The following ZKSCAN5 variants were observed in gnomAD, a reference collection of about 807,000 sequenced individuals.
The protein encoded by ZKSCAN5 is zinc finger with KRAB and SCAN domains 5, also known as zinc finger protein with KRAB and SCAN domains 5.
ZKSCAN5 carries 28 observed loss-of-function variants against 60.0 expected under a neutral mutation model. That is an observed-to-expected ratio of 0.47 (90% CI 0.35 to 0.64). The LOEUF (loss-of-function observed/expected upper bound fraction) is 0.64. ZKSCAN5 is among the 30% of genes least tolerant of loss of function. The pLI, the probability that ZKSCAN5 is intolerant of heterozygous loss-of-function variation, is 0.01. For synonymous variants in ZKSCAN5, 361 were observed against 371.2 expected, an observed-to-expected ratio of 0.97 and a Z score of 0.31; for missense variants, 881 against 1,034.6, an observed-to-expected ratio of 0.85 and a Z score of 2.04.
chr7:99,504,993 T>A (rs1298645173), intron 1 of ZKSCAN5: 1 of 152,358 alleles, frequency 6.6e-6, no homozygotes, highest in Non-Finnish European at 1.5e-5. Context: ...GCTGTTTGAA[T>A]GGCTTTGGGA....
At chr7:99,509,245 T>C (rs2151095163) in intron 2 of ZKSCAN5, among the ~76,000 whole-genome samples, 1 of 152,332 alleles carries the variant, frequency 6.6e-6, no homozygotes, top group South Asian at 2.1e-4. Context: ...TGGCTCTGCC[T>C]TCCAAAGTGG....
At chr7:99,514,274 A>G (rs541838854) in intron 3 of ZKSCAN5, among the ~76,000 whole-genome samples, 21 of 152,268 alleles carry the variant, frequency 1.4e-4, no homozygotes, top group African/African-American at 4.6e-4. Context: ...GGATGTTATC[A>G]TTTGAAACTC....
chr7:99,505,829 G>A (rs1584158131), intron 1 of ZKSCAN5, 176 bp from the exon 2 acceptor site: 1 of 475,526 alleles, frequency 2.1e-6, no homozygotes, highest in East Asian at 3.7e-5. Context: ...TGAAGTGATG[G>A]CTACCTTGTA....
intron 5 of ZKSCAN5, among the ~76,000 whole-genome samples, chr7:99,524,161 C>A (rs545886386): frequency 6.6e-6 from 1 of 151,466 alleles, no homozygotes; most frequent in African/African-American, 2.4e-5. Flanking sequence ...ACCTCTGCCT[C>A]CTGGGTTCAA....
intron 5 of ZKSCAN5, among the ~76,000 whole-genome samples, chr7:99,524,510 C>G (rs978645233): frequency 1.3e-5 from 2 of 152,140 alleles, no homozygotes; most frequent in African/African-American, 4.8e-5. Context: ...CTGTGCCTGG[C>G]CAATACTCTA....
At chr7:99,525,320 A>G (rs1297199016) in intron 5 of ZKSCAN5, among the ~76,000 whole-genome samples, 1 of 151,834 alleles carries the variant, frequency 6.6e-6, no homozygotes, top group African/African-American at 2.4e-5. Flanking sequence ...AAAAATATAA[A>G]AATTAGCTGA....
intron 3 of ZKSCAN5, among the ~76,000 whole-genome samples, chr7:99,517,963 T>C (rs773135075): frequency 5.9e-5 from 9 of 152,204 alleles, no homozygotes; most frequent in Non-Finnish European, 8.8e-5. Context: ...AAGGTAAGAA[T>C]TGTTTTGTCT....
intron 5 of ZKSCAN5, among the ~76,000 whole-genome samples, chr7:99,524,145 A>G (rs1413120196): frequency 2.0e-5 from 3 of 147,680 alleles, no homozygotes; most frequent in Non-Finnish European, 4.4e-5. Context: ...ATCTCAACTC[A>G]CTGCAACCTC....
intron 3 of ZKSCAN5, 33 bp downstream of exon 3, chr7:99,512,624 G>A: frequency 6.2e-7 from 1 of 1,604,384 alleles, no homozygotes; most frequent in Non-Finnish European, 8.5e-7. Flanking sequence ...AACTGATATA[G>A]CTCAAGAGTG....
In ZKSCAN5 at chr7:99,512,604, G is replaced by T. The variant is rs1383575274; in HGVS notation, c.553+13G>T. 4 of 1,612,494 alleles carry T rather than the reference G, an allele frequency of 2.5e-6. No individual in the cohort carries two copies. The South Asian group carries it at 3.3e-5, about 13-fold the overall frequency. ...CTGGAGGAAAATGGTGAGGCTCAGT[G>T]ATTCAGTGGAACTGATATAGCTCAA... On this transcript the variant is annotated intron_variant, in intron 3 of 6. Coordinates refer to ENST00000326775, the MANE Select transcript of ZKSCAN5 (RefSeq NM_145102.4).
Position 99,531,438 on chromosome 7 carries a change from T to C in ZKSCAN5, c.1709T>C (p.Ile570Thr), listed in dbSNP as rs760351301. ...QSAHLIQHQR[I>T]HTGEKPFRCE... ...GCACATCTTATTCAACATCAAAGAA[T>C]ACACACTGGGGAGAAACCATTCAGG... The change falls in exon 7 of 7, where the codon ATA becomes ACA. Residue 570 changes from isoleucine (I) to threonine (T), a missense_variant. By Grantham distance (89) the Ile-to-Thr change is moderately conservative. Coordinates refer to ENST00000326775, the MANE Select transcript of ZKSCAN5 (RefSeq NM_145102.4). The C allele has an allele frequency of 7.4e-6, 12 of 1,614,076 alleles. No homozygotes were observed. Among genetic ancestry groups the C allele is most frequent in the African/African-American group, 2.7e-5 (2 of 74,942 alleles).
chr7:99,519,781 C>A, intron 3 of ZKSCAN5, 46 bp from the exon 4 acceptor site: 9 of 1,574,198 alleles, frequency 5.7e-6, no homozygotes, highest in Non-Finnish European at 7.8e-6. Context: ...GCAATGAGAA[C>A]CGGGCAAAGA....
chr7:99,514,769 G>A (rs553870978), intron 3 of ZKSCAN5, among the ~76,000 whole-genome samples: 48 of 151,726 alleles, frequency 3.2e-4, no homozygotes, highest in African/African-American at 5.1e-4. Context: ...TTAGCCGGGC[G>A]TGGTGGCAGA....
At position 99,533,042 on chromosome 7, in the gene ZKSCAN5, A is replaced by G. The variant is rs764736337; in HGVS notation, c.*793A>G. The G allele has an allele frequency of 5.2e-5, 12 of 230,556 alleles. No individual in the cohort carries two copies. Among genetic ancestry groups the G allele is most frequent in the Non-Finnish European group, 1.1e-4 (12 of 106,034 alleles). The allele number at this position is 230,556 out of a possible 1,614,324, so 14.3% of individuals were successfully genotyped here. On this transcript the variant is annotated 3_prime_UTR_variant, in exon 7 of 7. Transcript: ENST00000326775. Reference sequence around the variant, plus strand: ...CTTAGGGGAGCAGAGAAGACAGGCAAAGTTGTGGACTGTTTGATCTTGTAT... The same window carrying G: ...CTTAGGGGAGCAGAGAAGACAGGCAGAGTTGTGGACTGTTTGATCTTGTAT...
At chr7:99,518,108 C>G (rs1262596222) in intron 3 of ZKSCAN5, among the ~76,000 whole-genome samples, 1 of 152,156 alleles carries the variant, frequency 6.6e-6, no homozygotes, top group Non-Finnish European at 1.5e-5. Flanking sequence ...AGCCGTGGCA[C>G]TGGCATTACC....
At chr7:99,514,142 A>G (rs1801163459) in intron 3 of ZKSCAN5, among the ~76,000 whole-genome samples, 1 of 152,226 alleles carries the variant, frequency 6.6e-6, no homozygotes, top group Admixed American at 6.5e-5. Context: ...TTATTATTAC[A>G]AAATACTGTG....
Position 99,507,597 on chromosome 7 carries a change from A to G in ZKSCAN5, c.414+1139A>G, listed in dbSNP as rs188166756. ...TATGTGTATATTTATGTGTGTGTGT[A>G]TATATATATGTATATATATAGGCTG... is the stretch of plus-strand genomic sequence containing the variant. On this transcript the variant is annotated intron_variant, in intron 2 of 6. Coordinates refer to ENST00000326775, the MANE Select transcript of ZKSCAN5 (RefSeq NM_145102.4). Among the ~76,000 whole-genome samples the G allele has an allele frequency of 4.7e-3, 705 of 149,506 alleles. 2 individuals are homozygous for G. Among genetic ancestry groups the G allele is most frequent in the African/African-American group, 0.016 (647 of 40,558 alleles).
Position 99,526,778 on chromosome 7 carries a change from C to T in ZKSCAN5, c.1378+360C>T, listed in dbSNP as rs1226934839. On this transcript the variant is annotated intron_variant, in intron 6 of 6. Coordinates refer to ENST00000326775, the MANE Select transcript of ZKSCAN5 (RefSeq NM_145102.4). ...CCATGTTGGCTAGGCTGGTTTTGAA[C>T]TCCTGACCTCAGGCGATCTGCCTGC... 2.6e-5 allele frequency among the ~76,000 whole-genome samples: 4 copies of T among 152,318 alleles called. 1 individual carries two copies. In the South Asian group the frequency reaches 6.2e-4, roughly 24 times the overall value.
intron 3 of ZKSCAN5, among the ~76,000 whole-genome samples, chr7:99,517,990 G>C (rs1390003485): frequency 6.6e-6 from 1 of 151,762 alleles, no homozygotes; most frequent in Non-Finnish European, 1.5e-5. Context: ...GAGATGGGCA[G>C]AGAGAGAGAG....
Sources: allele counts gnomAD v4.1 joint callset (sites outside exome capture counted in the v4.1 genomes callset), GRCh38; gene constraint gnomAD v4.1.1; transcripts MANE v1.5; gene names NCBI Gene and HGNC (gene_info 2026-07-23, HGNC 2026-07-21).